Variants in ZNF804B observed in about 807,000 individuals in gnomAD.
ZNF804B encodes the protein zinc finger 804B.
ZNF804B carries 80 observed loss-of-function variants against 101.4 expected under a neutral mutation model. The ratio of observed to expected loss-of-function variants is 0.79; its 90% CI spans 0.66 to 0.95. The LOEUF (loss-of-function observed/expected upper bound fraction) is 0.95. Among genes scored for constraint, ZNF804B ranks in the 40% least tolerant of loss-of-function variants. The pLI, the probability that ZNF804B is intolerant of heterozygous loss-of-function variation, is 0.00. For missense variants in ZNF804B, 1,673 were observed against 1,561.9 expected, an observed-to-expected ratio of 1.07 and a Z score of -1.20; for synonymous variants, 622 against 558.8, an observed-to-expected ratio of 1.11 and a Z score of -1.59.
At position 89,279,147 on chromosome 7, in the gene ZNF804B, C is replaced by A. The variant is rs906762851; in HGVS notation, c.250-48197C>A. 4.1e-3 allele frequency among the ~76,000 whole-genome samples: 629 copies of A among 152,114 alleles called. 5 individuals are homozygous for A. Among genetic ancestry groups the A allele is most frequent in the African/African-American group, 0.015 (602 of 41,486 alleles). On this transcript the variant is annotated intron_variant, in intron 2 of 3. Coordinates refer to ENST00000333190, the MANE Select transcript of ZNF804B (RefSeq NM_181646.5). ...GGGAGTTCACTCATGATTTGGCTTTCTGTTTGTCTGTTATTGGTGTATAAG... is the reference window on the plus strand; with the variant it reads ...GGGAGTTCACTCATGATTTGGCTTTATGTTTGTCTGTTATTGGTGTATAAG...
intron 2 of ZNF804B, among the ~76,000 whole-genome samples, chr7:89,220,002 TGC>T (rs1491557346): frequency 0.028 from 747 of 27,012 alleles, 71 homozygotes; most frequent in Middle Eastern, 0.056. Context: ...TATATGTATA[TGC>T]ACATATATGT....
At chr7:89,276,153 A>G (rs911390868) in intron 2 of ZNF804B, among the ~76,000 whole-genome samples, 4 of 151,762 alleles carry the variant, frequency 2.6e-5, no homozygotes, top group Non-Finnish European at 5.9e-5. Context: ...AAAATAACAC[A>G]CACTGTGGCC....
intron 1 of ZNF804B, among the ~76,000 whole-genome samples, chr7:89,148,458 G>C (rs1790822474): frequency 6.6e-6 from 1 of 151,982 alleles, no homozygotes; most frequent in African/African-American, 2.4e-5. Context: ...CATTCTCTTG[G>C]AAAATTCCAT....
At chr7:88,907,429 C>A (rs1188563481) in intron 1 of ZNF804B, among the ~76,000 whole-genome samples, 1 of 151,966 alleles carries the variant, frequency 6.6e-6, no homozygotes, top group Non-Finnish European at 1.5e-5. Flanking sequence ...TTTTAAAAGT[C>A]ATTTAGTTTT....
At position 89,078,469 on chromosome 7, in the gene ZNF804B, A is replaced by G. The variant is rs1174705813; in HGVS notation, c.109-139686A>G. On this transcript the variant is annotated intron_variant, in intron 1 of 3. Coordinates refer to ENST00000333190, the MANE Select transcript of ZNF804B (RefSeq NM_181646.5). ...TGCTGAGAAAATAAAATTCTTCTTC[A>G]TTTGGGCTAGGAAAATGTGTTTTAT... 2.7e-5 allele frequency among the ~76,000 whole-genome samples: 4 copies of G among 149,612 alleles called. No individual in the cohort carries two copies. In the East Asian group the frequency reaches 5.8e-4, roughly 22 times the overall value.
At chr7:89,079,989 T>G (rs764880342) in intron 1 of ZNF804B, among the ~76,000 whole-genome samples, 16 of 151,864 alleles carry the variant, frequency 1.1e-4, no homozygotes, top group Non-Finnish European at 1.5e-4. Flanking sequence ...ATGAAGGCTT[T>G]GAGCTTTGGC....
chr7:88,886,340 T>C lies in ZNF804B; in HGVS notation c.108+126256T>C, dbSNP rs540397512. 5.3e-5 allele frequency among the ~76,000 whole-genome samples: 8 copies of C among 152,164 alleles called. No homozygotes were observed. In the South Asian group the frequency reaches 1.0e-3, roughly 20 times the overall value. Reference sequence around the variant, plus strand: ...GGTGGGAGGAGAGGAGCAGAAAAGATAACTATTGTGTATTGGGCTTAATAC... The same window carrying C: ...GGTGGGAGGAGAGGAGCAGAAAAGACAACTATTGTGTATTGGGCTTAATAC... On this transcript the variant is annotated intron_variant, in intron 1 of 3. Coordinates refer to ENST00000333190, the MANE Select transcript of ZNF804B (RefSeq NM_181646.5).
At chr7:88,856,812 A>T in intron 1 of ZNF804B, among the ~76,000 whole-genome samples, 1 of 152,162 alleles carries the variant, frequency 6.6e-6, no homozygotes, top group South Asian at 2.1e-4. Context: ...AGTTTTTAGT[A>T]TGAAGGGCTG....
chr7:89,014,890 G>C (rs1387248069), intron 1 of ZNF804B, among the ~76,000 whole-genome samples: 2 of 152,166 alleles, frequency 1.3e-5, no homozygotes. Context: ...TTTATCACCT[G>C]TTCTTCTGAG....
chr7:89,082,941 T>C, intron 1 of ZNF804B, among the ~76,000 whole-genome samples: 1 of 151,828 alleles, frequency 6.6e-6, no homozygotes, highest in South Asian at 2.1e-4. Flanking sequence ...GATAATTACA[T>C]ATTATTGGCA....
chr7:88,822,875 A>G (rs1260922054), intron 1 of ZNF804B, among the ~76,000 whole-genome samples: 1 of 152,180 alleles, frequency 6.6e-6, no homozygotes, highest in African/African-American at 2.4e-5. Context: ...AAGGGATGGC[A>G]GATATATTGT....
At chr7:88,998,072 A>G (rs1788226508) in intron 1 of ZNF804B, among the ~76,000 whole-genome samples, 1 of 152,040 alleles carries the variant, frequency 6.6e-6, no homozygotes, top group Non-Finnish European at 1.5e-5. Context: ...CCTCCATGTG[A>G]TGTCACTGCC....
chr7:89,166,318 T>G (rs1010848871), intron 1 of ZNF804B, among the ~76,000 whole-genome samples: 7 of 152,158 alleles, frequency 4.6e-5, no homozygotes, highest in African/African-American at 1.2e-4. Flanking sequence ...GGTATAATTT[T>G]AAAACGTAAC....
Position 89,083,319 on chromosome 7 carries a change from C to T in ZNF804B, c.109-134836C>T, listed in dbSNP as rs139437953. 7.6e-4 allele frequency among the ~76,000 whole-genome samples: 115 copies of T among 151,842 alleles called. 1 individual carries two copies. The highest frequency in any genetic ancestry group is 2.5e-3 in the African/African-American group (105 of 41,514). Reference sequence around the variant, plus strand: ...CAATTATTTGGACTTTCTGAAATATCATGAGCTCTACAAGAAACAATACAT... The same window carrying T: ...CAATTATTTGGACTTTCTGAAATATTATGAGCTCTACAAGAAACAATACAT... On this transcript the variant is annotated intron_variant, in intron 1 of 3. Transcript: ENST00000333190.
chr7:89,161,759 G>C (rs1331103277), intron 1 of ZNF804B, among the ~76,000 whole-genome samples: 2 of 151,926 alleles, frequency 1.3e-5, no homozygotes, highest in South Asian at 4.2e-4. Flanking sequence ...CTAATATCTG[G>C]TTAAAGTTGA....
chr7:88,968,461 C>G (rs1269687028), intron 1 of ZNF804B, among the ~76,000 whole-genome samples: 1 of 151,532 alleles, frequency 6.6e-6, no homozygotes, highest in Non-Finnish European at 1.5e-5. Context: ...CTCTTACTAT[C>G]CTGATGGATC....
chr7:89,171,319 CTT>C (rs1791225474), intron 1 of ZNF804B, among the ~76,000 whole-genome samples: 2 of 124,962 alleles, frequency 1.6e-5, no homozygotes, highest in Non-Finnish European at 3.5e-5. Flanking sequence ...TCTTCTTCTT[CTT>C]CTTCTTCTTC....
chr7:88,993,831 C>T (rs1158281617), intron 1 of ZNF804B, among the ~76,000 whole-genome samples: 1 of 151,794 alleles, frequency 6.6e-6, no homozygotes, highest in East Asian at 1.9e-4. Flanking sequence ...TAAAACTGGT[C>T]AGTGTGTATT....
chr7:88,859,345 A>T (rs1335902502), intron 1 of ZNF804B, among the ~76,000 whole-genome samples: 3 of 152,078 alleles, frequency 2.0e-5, no homozygotes, highest in Non-Finnish European at 4.4e-5. Flanking sequence ...CCATTTTTTC[A>T]TCTGTTTTAC....
Sources: gnomAD v4.1 joint callset for allele counts (sites outside exome capture counted in the v4.1 genomes callset) on GRCh38, gnomAD v4.1.1 for gene constraint, MANE v1.5 for transcripts, NCBI Gene and HGNC (gene_info 2026-07-23, HGNC 2026-07-21) for gene names.